RNF43: variants seen among roughly 807,000 people sequenced by gnomAD.
RNF43 encodes ring finger protein 43.
In RNF43, 37 loss-of-function variants were observed where a neutral mutation model predicts 78.4. The observed-to-expected ratio is 0.47, with a 90% CI of 0.36 to 0.62. RNF43 has a LOEUF of 0.62. Among genes scored for constraint, RNF43 ranks in the 20% least tolerant of loss-of-function variants. The pLI is 0.00. For synonymous variants in RNF43, 347 were observed against 395.0 expected (o/e 0.88, Z 1.44); for missense variants, 774 against 1,007.9 (o/e 0.77, Z 3.14).
intron 2 of RNF43, among the ~76,000 whole-genome samples, chr17:58,414,249 A>G (rs1415714904): frequency 1.3e-5 from 2 of 152,242 alleles, no homozygotes; most frequent in Non-Finnish European, 2.9e-5. Context: ...AATAAGTTCT[A>G]TAATCTGTTA....
intron 2 of RNF43, among the ~76,000 whole-genome samples, chr17:58,410,355 G>T (rs1321291971): frequency 6.6e-6 from 1 of 152,162 alleles, no homozygotes; most frequent in Non-Finnish European, 1.5e-5. Context: ...TCTGAGCTGG[G>T]ATCACAGGAG....
Position 58,358,987 on chromosome 17 carries a change from T to A in RNF43, c.953-164A>T, listed in dbSNP as rs1972771809. On this transcript the variant is annotated intron_variant, in intron 8 of 9. Coordinates refer to ENST00000407977, the MANE Select transcript of RNF43 (RefSeq NM_017763.6). This position sits in a 1 kb window ranked among gnomAD's most constrained non-coding sequence, Gnocchi z 6.2. ...TAAGCTGCCTGTGCTCTGGGACTCC[T>A]TTGTTCCCTCCAGTCAGGTTGCCTG... 6.6e-6 allele frequency among the ~76,000 whole-genome samples: 1 copy of A among 152,160 alleles called. No homozygotes were observed. Among genetic ancestry groups the A allele is most frequent in the Non-Finnish European group, 1.5e-5 (1 of 68,022 alleles).
chr17:58,405,329 G>A (rs1237860003), intron 2 of RNF43, among the ~76,000 whole-genome samples: 1 of 151,718 alleles, frequency 6.6e-6, no homozygotes, highest in South Asian at 2.1e-4. Context: ...CACCTGCCTC[G>A]GCCTCCCAAA....
chr17:58,406,841 A>C (rs1442364429), intron 2 of RNF43, among the ~76,000 whole-genome samples: 1 of 151,820 alleles, frequency 6.6e-6, no homozygotes, highest in Non-Finnish European at 1.5e-5. Flanking sequence ...TAAAATACCA[A>C]CAGTGTTTCT....
Position 58,415,898 on chromosome 17 carries a change from T to A in RNF43, c.-321A>T. Reference sequence around the variant, plus strand: ...ACTTTGCTTGTGATTGAATGTCACTTCGTGAATTTGTATTATGTCAGATCA... The same window carrying A: ...ACTTTGCTTGTGATTGAATGTCACTACGTGAATTTGTATTATGTCAGATCA... On this transcript the variant is annotated 5_prime_UTR_variant, in exon 2 of 10. Transcript: ENST00000407977. 2.3e-6 allele frequency: 1 copy of A among 429,270 alleles called. No homozygotes were observed. The highest frequency in any genetic ancestry group is 4.3e-6 in the Non-Finnish European group (1 of 233,668). 26.6% of individuals were successfully genotyped at this position (429,270 alleles called of 1,614,324 possible). A position where few individuals can be genotyped will look rare whatever the true frequency, so the allele number is the denominator to read the frequency against.
At chr17:58,364,362 C>T (rs1188802561) in intron 3 of RNF43, among the ~76,000 whole-genome samples, 1 of 152,214 alleles carries the variant, frequency 6.6e-6, no homozygotes, top group African/African-American at 2.4e-5. Context: ...TGCACACGTG[C>T]ATGTTCACCA....
Position 58,412,416 on chromosome 17 carries a change from C to T in RNF43, c.252+2910G>A, listed in dbSNP as rs145873290. On this transcript the variant is annotated intron_variant, in intron 2 of 9. Coordinates refer to ENST00000407977, the MANE Select transcript of RNF43 (RefSeq NM_017763.6). ...CTTCTATTTTGACTTTCTTCTAGCG[C>T]TTTTAGAAGAATATTACAATTTATA... 5.8e-3 allele frequency among the ~76,000 whole-genome samples: 888 copies of T among 152,186 alleles called. 5 individuals are homozygous for T. Among genetic ancestry groups the T allele is most frequent in the African/African-American group, 9.5e-3 (393 of 41,546 alleles).
intron 2 of RNF43, among the ~76,000 whole-genome samples, chr17:58,397,409 C>G (rs181546014): frequency 5.3e-5 from 8 of 152,236 alleles, no homozygotes; most frequent in Admixed American, 4.6e-4. Flanking sequence ...GCCTGTAATC[C>G]CAGCACTTTG....
chr17:58,385,947 A>G (rs974530026), intron 2 of RNF43, among the ~76,000 whole-genome samples: 10 of 152,178 alleles, frequency 6.6e-5, no homozygotes, highest in Non-Finnish European at 1.3e-4. Flanking sequence ...TCTCTATGAA[A>G]AATTTTTTAA....
chr17:58,370,658 C>T (rs911927706), intron 3 of RNF43, among the ~76,000 whole-genome samples: 1 of 152,166 alleles, frequency 6.6e-6, no homozygotes, highest in Non-Finnish European at 1.5e-5. Context: ...CTCAGGAACT[C>T]CCAAGTGATG....
At position 58,363,383 on chromosome 17, in the gene RNF43, G is replaced by A. The variant is rs1326122060; in HGVS notation, c.474C>T (p.Thr158=). Residue 158 remains threonine (T), a synonymous_variant, in exon 5 of 10, where the codon ACC becomes ACT. Coordinates refer to ENST00000407977, the MANE Select transcript of RNF43 (RefSeq NM_017763.6). The stretch of plus-strand genomic sequence containing the variant: ...TACCCCAGATCAACACCACTGGCCA[G>A]GTCAGCCCCAGCGGCTGCTGCAGCT... ...AEQLQQPLGL[T]WPVVLIWGND... is the part of the protein sequence containing the mutation. 1.5e-5 allele frequency: 25 copies of A among 1,614,162 alleles called. No homozygotes were observed. Among genetic ancestry groups the A allele is most frequent in the Middle Eastern group, 3.3e-4 (2 of 6,062 alleles).
At chr17:58,393,797 G>A (rs1973612192) in intron 2 of RNF43, among the ~76,000 whole-genome samples, 1 of 152,212 alleles carries the variant, frequency 6.6e-6, no homozygotes, top group Admixed American at 6.5e-5. Context: ...GCTCACGCCT[G>A]TAATCCCAGC....
chr17:58,362,534 C>T lies in RNF43; in HGVS notation c.687+10G>A. 6.2e-7 allele frequency: 1 copy of T among 1,602,634 alleles called. No homozygotes were observed. Among genetic ancestry groups the T allele is most frequent in the Non-Finnish European group, 8.5e-7 (1 of 1,174,004 alleles). Reference sequence around the variant, plus strand: ...ACGTTCACCGCCGCCAAAGACCCCACACTGCTCACCGGCCTGCTGTGGCGG... The same window carrying T: ...ACGTTCACCGCCGCCAAAGACCCCATACTGCTCACCGGCCTGCTGTGGCGG... On this transcript the variant is annotated intron_variant, in intron 6 of 9. Transcript: ENST00000407977.
intron 2 of RNF43, among the ~76,000 whole-genome samples, chr17:58,398,184 TA>T (rs1973724029): frequency 6.6e-6 from 1 of 152,184 alleles, no homozygotes; most frequent in South Asian, 2.1e-4. Context: ...AGGAAGTCCT[TA>T]AAAATTCAAT....
chr17:58,371,520 C>T (rs2143520103), intron 2 of RNF43, among the ~76,000 whole-genome samples: 1 of 152,338 alleles, frequency 6.6e-6, no homozygotes, highest in South Asian at 2.1e-4. Flanking sequence ...CTCGGGATGC[C>T]CCCAGGCAAC....
chr17:58,383,645 C>CT (rs936660266), intron 2 of RNF43, among the ~76,000 whole-genome samples: 1 of 151,564 alleles, frequency 6.6e-6, no homozygotes, highest in Admixed American at 6.6e-5. Flanking sequence ...GTGTTTTTTT[C>CT]TTTTTTCTGT....
chr17:58,408,867 G>C (rs990992867), intron 2 of RNF43, among the ~76,000 whole-genome samples: 2 of 152,044 alleles, frequency 1.3e-5, no homozygotes, highest in African/African-American at 4.8e-5. Flanking sequence ...GTATACTTAG[G>C]TGCCATTCTC....
intron 2 of RNF43, among the ~76,000 whole-genome samples, chr17:58,395,348 C>T (rs192105655): frequency 6.6e-6 from 1 of 152,290 alleles, no homozygotes; most frequent in East Asian, 1.9e-4. Context: ...AATGTATATA[C>T]AACTCAACTA....
At position 58,415,703 on chromosome 17, in the gene RNF43, G is replaced by T; in HGVS notation, c.-126C>A. 1 of 1,187,880 alleles carries T rather than the reference G, an allele frequency of 8.4e-7. No individual in the cohort carries two copies. The highest frequency in any genetic ancestry group is 1.2e-6 in the Non-Finnish European group (1 of 862,188). The allele number at this position is 1,187,880 out of a possible 1,614,324, so 73.6% of individuals were successfully genotyped here. A position where few individuals can be genotyped will look rare whatever the true frequency, so the allele number is the denominator to read the frequency against. On this transcript the variant is annotated 5_prime_UTR_variant, in exon 2 of 10. Transcript: ENST00000407977. The stretch of plus-strand genomic sequence containing the variant: ...TTATGCTTCCGTTTCAGAAAGCCAA[G>T]TCGTAGTTTTGGCCCTTCCTTTCTC...
Sources: gnomAD v4.1 joint callset for allele counts (sites outside exome capture counted in the v4.1 genomes callset) on GRCh38, gnomAD v4.1.1 for gene constraint, Gnocchi (gnomAD v3.1) non-coding constraint, MANE v1.5 for transcripts, NCBI Gene and HGNC (gene_info 2026-07-23, HGNC 2026-07-21) for gene names.